CPE: variants seen among roughly 807,000 people sequenced by gnomAD.
The protein encoded by CPE is carbocypeptidase E.
In CPE, 17 loss-of-function variants were observed where a neutral mutation model predicts 53.5. The ratio of observed to expected loss-of-function variants is 0.32; its 90% confidence interval spans 0.22 to 0.48. CPE has a LOEUF of 0.48. Among genes scored for constraint, CPE ranks in the 20% least tolerant of loss-of-function variants. The pLI, the probability that CPE is intolerant of heterozygous loss-of-function variation, is 0.99. For synonymous variants in CPE, 226 were observed against 228.8 expected (o/e 0.99, Z 0.11); for missense variants, 524 against 614.7 (o/e 0.85, Z 1.56).
chr4:165,424,534 GTATT>G (rs1050230924), intron 1 of CPE, among the ~76,000 whole-genome samples: 2 of 142,240 alleles, frequency 1.4e-5, no homozygotes, highest in Admixed American at 1.4e-4. Flanking sequence ...ATTTGTATTT[GTATT>G]TATTTATTTT....
chr4:165,487,705 G>C, intron 6 of CPE, 128 bp downstream of exon 6: 1 of 1,037,772 alleles, frequency 9.6e-7, no homozygotes, highest in South Asian at 1.6e-5. Flanking sequence ...TTGGAAGGCA[G>C]GTGTCAGCAG....
At chr4:165,411,268 A>G (rs1358399593) in intron 1 of CPE, among the ~76,000 whole-genome samples, 2 of 152,164 alleles carry the variant, frequency 1.3e-5, no homozygotes, top group East Asian at 1.9e-4. Context: ...GTACTTGTTT[A>G]TTTAAAAATT....
chr4:165,471,287 A>C (rs1208727440), intron 3 of CPE, among the ~76,000 whole-genome samples: 1 of 152,204 alleles, frequency 6.6e-6, no homozygotes, highest in Non-Finnish European at 1.5e-5. Context: ...CTGTGGCCAG[A>C]GATCACTGGT....
intron 3 of CPE, among the ~76,000 whole-genome samples, chr4:165,470,203 C>T (rs1196112651): frequency 6.6e-6 from 1 of 152,126 alleles, no homozygotes; most frequent in Admixed American, 6.5e-5. Flanking sequence ...GGAAGAGGGC[C>T]AAGCAGGCAA....
chr4:165,490,629 C>CAAAAAAAAAA (rs36034365), intron 6 of CPE, among the ~76,000 whole-genome samples: 1 of 41,010 alleles, frequency 2.4e-5, no homozygotes, highest in African/African-American at 8.6e-5. Flanking sequence ...GACTCCGTCT[C>CAAAAAAAAAA]AAAAAAAAAA....
chr4:165,455,801 C>T (rs1010611913), intron 1 of CPE, among the ~76,000 whole-genome samples: 3 of 152,008 alleles, frequency 2.0e-5, no homozygotes, highest in East Asian at 3.9e-4. Context: ...TACAGGCGCC[C>T]GCCACCACAT....
intron 1 of CPE, among the ~76,000 whole-genome samples, chr4:165,399,324 G>A (rs946186539): frequency 4.6e-5 from 7 of 152,108 alleles, no homozygotes; most frequent in Non-Finnish European, 1.0e-4. Flanking sequence ...TATAACTGTT[G>A]ATTCTAAACA....
At chr4:165,494,646 G>C (rs1732671447) in intron 7 of CPE, among the ~76,000 whole-genome samples, 1 of 152,168 alleles carries the variant, frequency 6.6e-6, no homozygotes, top group Admixed American at 6.5e-5. Context: ...CTGGGTCCAA[G>C]ACAGAATAAG....
At position 165,379,516 on chromosome 4, in the gene CPE, G is replaced by T; in HGVS notation, c.295G>T (p.Val99Phe). Reference protein sequence around the residue: ...LVIELSDNPGVHEPGEPEFKY... With the variant: ...LVIELSDNPGFHEPGEPEFKY... ...CATCGAGCTGTCCGACAACCCTGGC[G>T]TCCATGAGCCTGGTAAGGGCGCTGC... Residue 99 changes from valine (V) to phenylalanine (F), a missense_variant, in exon 1 of 9, where the codon GTC becomes TTC. Transcript: ENST00000402744. The surrounding 1 kb of genome is among the most constrained non-coding windows in gnomAD (Gnocchi z 6.0). 6.3e-7 allele frequency: 1 copy of T among 1,586,432 alleles called. No homozygotes were observed. The highest frequency in any genetic ancestry group is 1.1e-5 in the South Asian group (1 of 88,616).
intron 1 of CPE, among the ~76,000 whole-genome samples, chr4:165,446,365 T>C (rs184091824): frequency 1.4e-4 from 21 of 152,232 alleles, no homozygotes; most frequent in Admixed American, 2.6e-4. Context: ...TAATAAAGCA[T>C]TAAGAAACAT....
intron 6 of CPE, among the ~76,000 whole-genome samples, chr4:165,491,577 A>G (rs974417157): frequency 1.3e-5 from 2 of 152,162 alleles, no homozygotes; most frequent in African/African-American, 2.4e-5. Flanking sequence ...TTGGCTTATT[A>G]GTTATGGAGA....
intron 7 of CPE, among the ~76,000 whole-genome samples, chr4:165,493,666 A>G (rs1381294679): frequency 1.3e-5 from 2 of 152,190 alleles, no homozygotes; most frequent in African/African-American, 4.8e-5. Context: ...CGAAGGAGGG[A>G]GCGGAAAGAG....
intron 1 of CPE, among the ~76,000 whole-genome samples, chr4:165,442,752 G>A (rs1019454727): frequency 2.0e-5 from 3 of 152,172 alleles, no homozygotes; most frequent in Non-Finnish European, 4.4e-5. Context: ...GTAGGAACAG[G>A]CAGACCTTAT....
intron 1 of CPE, among the ~76,000 whole-genome samples, chr4:165,453,545 C>T (rs540531311): frequency 2.8e-4 from 43 of 151,902 alleles, no homozygotes; most frequent in Non-Finnish European, 5.0e-4. Flanking sequence ...CCACCATGCC[C>T]AGCTAATTTT....
chr4:165,422,369 TAAA>T (rs933672854), intron 1 of CPE, among the ~76,000 whole-genome samples: 1 of 151,992 alleles, frequency 6.6e-6, no homozygotes, highest in Non-Finnish European at 1.5e-5. Context: ...CTCTTTACAA[TAAA>T]AAATTGTTTG....
At chr4:165,464,645 T>A in intron 2 of CPE, 59 bp downstream of exon 2, 1 of 1,408,708 alleles carries the variant, frequency 7.1e-7, no homozygotes, top group Non-Finnish European at 9.5e-7. Flanking sequence ...TGTTTGTACA[T>A]ACATGTTTAT....
intron 1 of CPE, among the ~76,000 whole-genome samples, chr4:165,392,715 C>T (rs1316534914): frequency 6.8e-6 from 1 of 147,146 alleles, no homozygotes; most frequent in Non-Finnish European, 1.5e-5. Flanking sequence ...GTATAAGCTC[C>T]ATCCCAAATT....
At chr4:165,421,914 A>G (rs1731231473) in intron 1 of CPE, among the ~76,000 whole-genome samples, 1 of 152,082 alleles carries the variant, frequency 6.6e-6, no homozygotes, top group Admixed American at 6.6e-5. Flanking sequence ...GTTTTTTAAA[A>G]TAGTTTTGTA....
intron 3 of CPE, among the ~76,000 whole-genome samples, chr4:165,481,476 C>G (rs1426266499): frequency 6.6e-6 from 1 of 152,162 alleles, no homozygotes; most frequent in Non-Finnish European, 1.5e-5. Context: ...ATCAGAGAAG[C>G]ACTTGGGGTT....
Sources: gnomAD v4.1 joint callset for allele counts (sites outside exome capture counted in the v4.1 genomes callset) on GRCh38, gnomAD v4.1.1 for gene constraint, Gnocchi (gnomAD v3.1) non-coding constraint, MANE v1.5 for transcripts, NCBI Gene and HGNC (gene_info 2026-07-23, HGNC 2026-07-21) for gene names.